Variants in C6orf89 observed in about 807,000 individuals in gnomAD.
C6orf89 encodes chromosome 6 open reading frame 89, also known as bombesin receptor-activated protein C6orf89.
C6orf89 carries 29 observed loss-of-function variants against 40.7 expected under a neutral mutation model. The ratio of observed to expected loss-of-function variants is 0.71; its 90% CI spans 0.53 to 0.97. The LOEUF is 0.97. Ranked by LOEUF, C6orf89 falls within the 50% of genes least tolerant of loss-of-function variation. The pLI is 0.00. For synonymous variants in C6orf89, 165 were observed against 152.2 expected, an observed-to-expected ratio of 1.08 and a Z score of -0.62; for missense variants, 392 against 429.1, an observed-to-expected ratio of 0.91 and a Z score of 0.76.
intron 1 of C6orf89, among the ~76,000 whole-genome samples, chr6:36,873,676 A>C (rs1464659236): frequency 2.0e-5 from 3 of 152,188 alleles, no homozygotes; most frequent in Non-Finnish European, 4.4e-5. Flanking sequence ...GAATTTTGCC[A>C]TATAAGGTGG....
At chr6:36,885,549 G>C (rs1304967364), upstream of C6orf89, among the ~76,000 whole-genome samples, 9 of 152,120 alleles carry the variant, frequency 5.9e-5, no homozygotes, top group Non-Finnish European at 1.3e-4. Flanking sequence ...GGATTTGTTC[G>C]TCTTTCTCAA....
rs996641852 is a variant in C6orf89 at position 36,904,796 on chromosome 6, C to G, written c.403+2362C>G. On this transcript the variant is annotated intron_variant, in intron 4 of 8. Transcript: ENST00000480824. Reference sequence around the variant, plus strand: ...CCCATATGGTTTCCTGAAGTGCTGGCCTGTCTCACACTCCCAGGGTCATCT... The same window carrying G: ...CCCATATGGTTTCCTGAAGTGCTGGGCTGTCTCACACTCCCAGGGTCATCT... Among the ~76,000 whole-genome samples the G allele has an allele frequency of 3.3e-5, 5 of 152,196 alleles. No individual in the cohort carries two copies. In the South Asian group the frequency reaches 1.0e-3, roughly 32 times the overall value.
intron 8 of C6orf89, 96 bp downstream of exon 8, chr6:36,919,797 T>C: frequency 7.8e-7 from 1 of 1,290,236 alleles, no homozygotes. Flanking sequence ...ACAAAAGTTT[T>C]ATTTAGTAGA....
rs1345442402 is a variant in C6orf89 at position 36,923,509 on chromosome 6, C to T, written c.*68C>T. ...CAGGTTGAAAGGGGAAAAATAAAAACAAAAACGATGAAACTGCTTTCTGGG... is the reference window on the plus strand; with the variant it reads ...CAGGTTGAAAGGGGAAAAATAAAAATAAAAACGATGAAACTGCTTTCTGGG... On this transcript the variant is annotated 3_prime_UTR_variant, in exon 9 of 9. Coordinates refer to ENST00000480824, the MANE Select transcript of C6orf89 (RefSeq NM_001286635.2). 1.6e-6 allele frequency: 2 copies of T among 1,267,550 alleles called. No individual in the cohort carries two copies. The highest frequency in any genetic ancestry group is 2.3e-6 in the Non-Finnish European group (2 of 872,534). The allele number at this position is 1,267,550 out of a possible 1,614,324, so 78.5% of individuals were successfully genotyped here. A position where few individuals can be genotyped will look rare whatever the true frequency, so the allele number is the denominator to read the frequency against.
rs907152398 is a variant in C6orf89 at position 36,925,411 on chromosome 6, C to T, written c.*1970C>T. 2.0e-5 allele frequency: 3 copies of T among 152,318 alleles called. No homozygotes were observed. The highest frequency in any genetic ancestry group is 3.9e-4 in the East Asian group (2 of 5,190). The allele number at this position is 152,318 out of a possible 1,614,324, so 9.4% of individuals were successfully genotyped here. On this transcript the variant is annotated 3_prime_UTR_variant, in exon 9 of 9. Coordinates refer to ENST00000480824, the MANE Select transcript of C6orf89 (RefSeq NM_001286635.2). Reference sequence around the variant, plus strand: ...TCTGTATTCCTTTCCCCATTTCACTCTTGCCCTTCACATCTTAAATGTCCA... The same window carrying T: ...TCTGTATTCCTTTCCCCATTTCACTTTTGCCCTTCACATCTTAAATGTCCA...
chr6:36,908,297 G>C (rs1398732461), intron 4 of C6orf89, among the ~76,000 whole-genome samples: 2 of 152,060 alleles, frequency 1.3e-5, no homozygotes, highest in African/African-American at 2.4e-5. Context: ...GCTCCTGTCA[G>C]ATACCTCTCT....
intron 4 of C6orf89, 90 bp from the exon 5 acceptor site, chr6:36,914,194 C>G: frequency 8.5e-7 from 1 of 1,181,648 alleles, no homozygotes; most frequent in East Asian, 2.4e-5. Context: ...ATTATGATGT[C>G]TTTCCTTTCT....
At chr6:36,896,181 C>T (rs1008754597) in intron 2 of C6orf89, among the ~76,000 whole-genome samples, 4 of 152,170 alleles carry the variant, frequency 2.6e-5, no homozygotes, top group African/African-American at 9.7e-5. Flanking sequence ...AATCTTGGCT[C>T]ATTGCAACCT....
chr6:36,918,396 T>C (rs572942161), intron 7 of C6orf89, among the ~76,000 whole-genome samples: 1 of 152,352 alleles, frequency 6.6e-6, no homozygotes, highest in South Asian at 2.1e-4. Context: ...CTTCTGCCAA[T>C]ATTAGTACCA....
chr6:36,914,494 T>A (rs911049619), intron 5 of C6orf89, 59 bp downstream of exon 5: 1 of 1,611,976 alleles, frequency 6.2e-7, no homozygotes, highest in Non-Finnish European at 8.5e-7. Flanking sequence ...TAGGTCAAGC[T>A]CTAGGAAATT....
chr6:36,917,432 T>G (rs144442425), intron 7 of C6orf89, among the ~76,000 whole-genome samples: 41 of 152,220 alleles, frequency 2.7e-4, no homozygotes, highest in African/African-American at 9.7e-4. Flanking sequence ...TACTTTTCTC[T>G]GAATTGCTCC....
upstream of C6orf89, among the ~76,000 whole-genome samples, chr6:36,884,993 C>T (rs1209852767): frequency 6.6e-6 from 1 of 152,028 alleles, no homozygotes; most frequent in African/African-American, 2.4e-5. The surrounding 1 kb of genome is among the most constrained non-coding windows in gnomAD (Gnocchi z 4.0). Context: ...CTTATGACAG[C>T]GATAATAACA....
rs747632694 is a variant in C6orf89 at position 36,899,469 on chromosome 6, A to G, written c.25A>G (p.Ser9Gly). Reference protein sequence around the residue: MDLAANEISIYDKLSETVD... With the variant: MDLAANEIGIYDKLSETVD... ...CATGGATCTTGCTGCCAACGAGATCAGCATTTATGACAAACTTTCAGAGAC... is the reference window on the plus strand; with the variant it reads ...CATGGATCTTGCTGCCAACGAGATCGGCATTTATGACAAACTTTCAGAGAC... The change falls in exon 3 of 9, where the codon AGC becomes GGC. Residue 9 changes from serine to glycine, a missense_variant. Ser to Gly is a moderately conservative substitution (Grantham distance 56, BLOSUM62 0). Coordinates refer to ENST00000480824, the MANE Select transcript of C6orf89 (RefSeq NM_001286635.2). 6 of 1,614,070 alleles carry G rather than the reference A, an allele frequency of 3.7e-6. No homozygotes were observed. The Admixed American group carries it at 5.0e-5, about 13-fold the overall frequency.
intron 6 of C6orf89, 120 bp from the exon 7 acceptor site, chr6:36,916,325 A>C: frequency 9.6e-7 from 1 of 1,041,868 alleles, no homozygotes; most frequent in Non-Finnish European, 1.4e-6. Context: ...AAGATACTGT[A>C]CTCATATTTT....
intron 8 of C6orf89, among the ~76,000 whole-genome samples, chr6:36,920,283 G>A (rs1762468767): frequency 6.6e-6 from 1 of 152,214 alleles, no homozygotes; most frequent in Admixed American, 6.5e-5. Context: ...TTGCCCAAAT[G>A]TGACTTGTCC....
chr6:36,883,190 C>G (rs1774872826), upstream of C6orf89: 1 of 152,158 alleles, frequency 6.6e-6, no homozygotes, highest in African/African-American at 2.4e-5. Context: ...CAATCTAGAA[C>G]CTGCAGATTG....
intron 2 of C6orf89, among the ~76,000 whole-genome samples, chr6:36,897,353 A>G (rs528341025): frequency 3.9e-5 from 6 of 152,238 alleles, no homozygotes; most frequent in Admixed American, 1.3e-4. Context: ...TTTATACAAA[A>G]AATCATCCCT....
chr6:36,914,929 G>A (rs1762260856), intron 6 of C6orf89, among the ~76,000 whole-genome samples: 1 of 152,254 alleles, frequency 6.6e-6, no homozygotes, highest in Non-Finnish European at 1.5e-5. Context: ...GGTGGAGGTT[G>A]CCATGAGCTG....
In C6orf89 at chr6:36,900,402, A is replaced by G. The variant is rs146694713; in HGVS notation, c.189+769A>G. Among the ~76,000 whole-genome samples, 781 of 147,870 alleles carry G rather than the reference A, an allele frequency of 5.3e-3. 6 individuals carry two copies. The highest frequency in any genetic ancestry group is 0.017 in the African/African-American group (670 of 39,764). On this transcript the variant is annotated intron_variant, in intron 3 of 8. Coordinates refer to ENST00000480824, the MANE Select transcript of C6orf89 (RefSeq NM_001286635.2). ...TTTTTAGTAGAGACAGGGTTTCTCC[A>G]TGTTGGTCAGGCTGGTCCTGAACTC...
Sources: gnomAD v4.1 joint callset for allele counts (sites outside exome capture counted in the v4.1 genomes callset) on GRCh38, gnomAD v4.1.1 for gene constraint, Gnocchi (gnomAD v3.1) non-coding constraint, MANE v1.5 for transcripts, NCBI Gene and HGNC (gene_info 2026-07-23, HGNC 2026-07-21) for gene names.